LMNTD1: variants seen among roughly 807,000 people sequenced by gnomAD.
LMNTD1 encodes the protein lamin tail domain containing 1.
A neutral mutation model predicts 50.9 loss-of-function variants in LMNTD1; 35 were observed. That is an observed-to-expected ratio of 0.69 (90% CI 0.53 to 0.91). The LOEUF is 0.91. Ranked by LOEUF, LMNTD1 falls within the 40% of genes least tolerant of loss-of-function variation. LMNTD1 has a pLI of 0.00. For missense variants in LMNTD1, 470 were observed against 475.5 expected (o/e 0.99, Z 0.11); for synonymous variants, 153 against 161.9 (o/e 0.94, Z 0.42).
intron 9 of LMNTD1, chr12:25,503,086 G>A (rs950081581): frequency 2.0e-5 from 3 of 152,210 alleles, no homozygotes; most frequent in African/African-American, 7.2e-5. Context: ...AAATAGACCA[G>A]TAGTGAACGA....
intron 1 of LMNTD1, among the ~76,000 whole-genome samples, chr12:25,566,611 TAA>T (rs1355056427): frequency 2.0e-5 from 3 of 152,216 alleles, no homozygotes; most frequent in Non-Finnish European, 2.9e-5. Context: ...GGCGCAAATA[TAA>T]GACTGTGTTG....
chr12:25,549,254 G>T, intron 3 of LMNTD1, 72 bp downstream of exon 3: 1 of 764,742 alleles, frequency 1.3e-6, no homozygotes, highest in Non-Finnish European at 2.1e-6. Context: ...CTGACTGAGA[G>T]TCATATATGC....
chr12:25,638,110 A>G (rs1022105408), intron 1 of LMNTD1, among the ~76,000 whole-genome samples: 14 of 152,142 alleles, frequency 9.2e-5, no homozygotes, highest in African/African-American at 3.4e-4. Context: ...CAATAAAAAA[A>G]CAGAAAAAAA....
intron 9 of LMNTD1, among the ~76,000 whole-genome samples, chr12:25,492,285 C>T (rs1026744760): frequency 1.3e-5 from 2 of 152,198 alleles, no homozygotes; most frequent in African/African-American, 4.8e-5. Context: ...GGTTGATACT[C>T]TTAAAGGATG....
chr12:25,648,489 C>T, intron 1 of LMNTD1: 1 of 1,551,116 alleles, frequency 6.4e-7, no homozygotes, highest in Non-Finnish European at 8.7e-7. Context: ...TCATTTCTCA[C>T]TTACTGTGGT....
chr12:25,587,576 C>T (rs905156541), intron 1 of LMNTD1, among the ~76,000 whole-genome samples: 5 of 152,206 alleles, frequency 3.3e-5, no homozygotes, highest in South Asian at 2.1e-4. Context: ...CAGCACCAAC[C>T]GGATGGTGCT....
At chr12:25,520,676 C>G (rs567479933) in intron 6 of LMNTD1, among the ~76,000 whole-genome samples, 3 of 152,246 alleles carry the variant, frequency 2.0e-5, no homozygotes, top group African/African-American at 7.2e-5. Flanking sequence ...TGTGCAGATA[C>G]CTTTCCAAGG....
chr12:25,606,520 T>C, intron 1 of LMNTD1, among the ~76,000 whole-genome samples: 1 of 152,212 alleles, frequency 6.6e-6, no homozygotes, highest in Admixed American at 6.5e-5. Context: ...ATACCTAATT[T>C]ATTGAGAGTT....
intron 8 of LMNTD1, among the ~76,000 whole-genome samples, chr12:25,514,759 G>A (rs1479505): frequency 0.74 from 112,871 of 151,620 alleles, 42,858 homozygotes; most frequent in East Asian, 0.91. Context: ...TTATTATTAT[G>A]AGAATTATTA....
At chr12:25,574,488 T>C (rs946613343) in intron 1 of LMNTD1, among the ~76,000 whole-genome samples, 1 of 152,180 alleles carries the variant, frequency 6.6e-6, no homozygotes, top group Non-Finnish European at 1.5e-5. Context: ...ACCCATGTCA[T>C]GAAGGATTAA....
intron 1 of LMNTD1, among the ~76,000 whole-genome samples, chr12:25,636,799 A>G (rs996500188): frequency 6.6e-6 from 1 of 152,338 alleles, no homozygotes; most frequent in South Asian, 2.1e-4. Context: ...GAATACTACT[A>G]AGCCATAAAA....
At chr12:25,643,092 C>G (rs1338007691) in intron 1 of LMNTD1, among the ~76,000 whole-genome samples, 1 of 152,150 alleles carries the variant, frequency 6.6e-6, no homozygotes, top group Non-Finnish European at 1.5e-5. Flanking sequence ...TCTCTAAGAT[C>G]TTATGATCCT....
In LMNTD1 at chr12:25,518,938, G is replaced by A; in HGVS notation, c.1046C>T (p.Pro349Leu). The part of the protein sequence containing the change: ...REKEIPPTVF[P>L]NRSPWCQNPY... ...ATTCTGGCACCAAGGGCTGCGATTA[G>A]GGAAAACGGTTGGTGGGATTTCCTT... Residue 349 changes from proline (P) to leucine (L), a missense_variant, in exon 8 of 10, where the codon CCT becomes CTT. Transcript: ENST00000458174. 5 of 1,614,106 alleles carry A rather than the reference G, an allele frequency of 3.1e-6. No homozygotes were observed. The highest frequency in any genetic ancestry group is 4.2e-6 in the Non-Finnish European group (5 of 1,179,994).
chr12:25,510,096 T>A (rs1223137935), intron 8 of LMNTD1, among the ~76,000 whole-genome samples: 1 of 152,230 alleles, frequency 6.6e-6, no homozygotes, highest in Non-Finnish European at 1.5e-5. Flanking sequence ...TTATTTTGTG[T>A]AGTAAACATT....
intron 1 of LMNTD1, among the ~76,000 whole-genome samples, chr12:25,558,450 T>C (rs2136289371): frequency 6.6e-6 from 1 of 151,888 alleles, no homozygotes; most frequent in Admixed American, 6.5e-5. Flanking sequence ...CTATATTCCA[T>C]AGGTTTTGGT....
intron 2 of LMNTD1, among the ~76,000 whole-genome samples, chr12:25,552,580 T>TG (rs1555106231): frequency 1.2e-4 from 1 of 8,310 alleles, no homozygotes; most frequent in Non-Finnish European, 5.5e-4. Context: ...GCACTCTGTC[T>TG]GAAAAAAAAA....
At chr12:25,538,915 G>A (rs899852649) in intron 4 of LMNTD1, among the ~76,000 whole-genome samples, 2 of 142,018 alleles carry the variant, frequency 1.4e-5, no homozygotes, top group Middle Eastern at 7.0e-3. Flanking sequence ...AAAGGCAGGG[G>A]TTGCAATCCT....
At chr12:25,506,353 GA>G (rs1258706285) in intron 8 of LMNTD1, among the ~76,000 whole-genome samples, 1 of 152,196 alleles carries the variant, frequency 6.6e-6, no homozygotes, top group Non-Finnish European at 1.5e-5. Flanking sequence ...CCACAATTAA[GA>G]TGAATTCCAC....
intron 1 of LMNTD1, among the ~76,000 whole-genome samples, chr12:25,621,938 G>T (rs1377842668): frequency 2.0e-5 from 3 of 152,222 alleles, no homozygotes; most frequent in Non-Finnish European, 2.9e-5. Context: ...GGATCACCCT[G>T]GCTGCTGTTA....
Sources: allele counts gnomAD v4.1 joint callset (sites outside exome capture counted in the v4.1 genomes callset), GRCh38; gene constraint gnomAD v4.1.1; transcripts MANE v1.5; gene names NCBI Gene and HGNC (gene_info 2026-07-23, HGNC 2026-07-21).